The following TOPBP1 variants were observed in gnomAD, a reference collection of about 807,000 sequenced individuals.
TOPBP1 encodes DNA topoisomerase II binding protein 1.
Under a neutral mutation model 167.7 loss-of-function variants are expected in TOPBP1, and 28 were observed. That is an observed-to-expected ratio of 0.17 (90% CI 0.12 to 0.23). TOPBP1 has a LOEUF of 0.23. Ranked by LOEUF, TOPBP1 falls within the 10% of genes least tolerant of loss-of-function variation. The pLI, the probability that TOPBP1 is intolerant of heterozygous loss-of-function variation, is 1.00. For missense variants in TOPBP1, 1,554 were observed against 1,809.6 expected (o/e 0.86, Z 2.56); for synonymous variants, 598 against 611.4 (o/e 0.98, Z 0.32).
intron 27 of TOPBP1, among the ~76,000 whole-genome samples, chr3:133,602,122 T>C (rs1934326224): frequency 6.6e-6 from 1 of 152,098 alleles, no homozygotes; most frequent in African/African-American, 2.4e-5. Flanking sequence ...TAGGGGGAGA[T>C]AAGGGTCTTG....
intron 10 of TOPBP1, among the ~76,000 whole-genome samples, chr3:133,648,925 G>A (rs1307392167): frequency 6.6e-6 from 1 of 151,294 alleles, no homozygotes; most frequent in Non-Finnish European, 1.5e-5. Flanking sequence ...GGCTATATTA[G>A]GTATTTTATA....
At position 133,623,300 on chromosome 3, in the gene TOPBP1, A is replaced by AT; in HGVS notation, c.3075+10dup. ...TTAAGAGGGGGTAAATGTATCATCC[A>AT]TATCTCCTACCTCATCATCCTTTGT... is the stretch of plus-strand genomic sequence containing the variant. On this transcript the variant is annotated intron_variant, in intron 18 of 27. Coordinates refer to ENST00000260810, the MANE Select transcript of TOPBP1 (RefSeq NM_007027.4). 1.2e-6 allele frequency: 2 copies of AT among 1,613,542 alleles called. No homozygotes were observed. The highest frequency in any genetic ancestry group is 2.2e-5 in the South Asian group (2 of 90,994).
In TOPBP1 at chr3:133,655,303, C is replaced by A; in HGVS notation, c.729G>T (p.Val243=). ...LKMNECTHLI[V]QEPKGQKYEC... is the part of the protein sequence containing the mutation. ...ACACAGTTTTACCTTTTGGTTCTTG[C>A]ACAATGAGGTGTGTACATTCATTCA... Residue 243 remains valine (V), a synonymous_variant, in exon 6 of 28, where the codon GTG becomes GTT. Coordinates refer to ENST00000260810, the MANE Select transcript of TOPBP1 (RefSeq NM_007027.4). 1 of 1,435,312 alleles carries A rather than the reference C, an allele frequency of 7.0e-7. No homozygotes were observed. The highest frequency in any genetic ancestry group is 9.2e-7 in the Non-Finnish European group (1 of 1,088,032). 88.9% of individuals were successfully genotyped at this position (1,435,312 alleles called of 1,614,324 possible).
At position 133,611,190 on chromosome 3, in the gene TOPBP1, C is replaced by T. The variant is rs772840614; in HGVS notation, c.4036-49G>A. The stretch of plus-strand genomic sequence containing the variant: ...TGAGTTGTTACAGTCTGGGGAGCCA[C>T]TGTGCAACATACAGGGCTCCTCAAG... On this transcript the variant is annotated intron_variant, in intron 24 of 27. Transcript: ENST00000260810. 5 of 1,580,676 alleles carry T rather than the reference C, an allele frequency of 3.2e-6. No homozygotes were observed. In the South Asian group the frequency reaches 4.7e-5, roughly 15 times the overall value.
chr3:133,638,298 C>T (rs1196556904), intron 13 of TOPBP1, 136 bp from the exon 14 acceptor site: 2 of 811,558 alleles, frequency 2.5e-6, no homozygotes, highest in East Asian at 2.7e-5. Flanking sequence ...GATCCATCTA[C>T]CTCGGCATCC....
In TOPBP1 at chr3:133,624,109, C is replaced by T. The variant is rs1173977654; in HGVS notation, c.2871G>A (p.Glu957=). The T allele has an allele frequency of 6.2e-7, 1 of 1,613,844 alleles. No individual in the cohort carries two copies. The change falls in exon 17 of 28, where the codon GAG becomes GAA. Residue 957 remains glutamate, a synonymous_variant. Coordinates refer to ENST00000260810, the MANE Select transcript of TOPBP1 (RefSeq NM_007027.4). The part of the protein sequence containing the change: ...YQGRPNDTNR[E]YKSVKERGVH... ...CTCCTCTTTCTTTTACAGATTTATA[C>T]TCCCGATTAGTGTCATTTGGCCGCC...
At chr3:133,649,006 G>A (rs757619687) in intron 10 of TOPBP1, among the ~76,000 whole-genome samples, 45 of 152,020 alleles carry the variant, frequency 3.0e-4, no homozygotes, top group Non-Finnish European at 5.0e-4. Context: ...CTTACTACAT[G>A]ATAAGAGTAC....
At chr3:133,642,748 G>C (rs1188475447) in intron 12 of TOPBP1, among the ~76,000 whole-genome samples, 3 of 151,998 alleles carry the variant, frequency 2.0e-5, no homozygotes, top group African/African-American at 7.3e-5. Context: ...TTATTTGTTT[G>C]TTGAAACATC....
intron 24 of TOPBP1, 29 bp from the exon 25 acceptor site, chr3:133,611,170 T>C: frequency 6.3e-7 from 1 of 1,599,774 alleles, no homozygotes; most frequent in Non-Finnish European, 8.5e-7. Context: ...AAACCTGAGT[T>C]GTTACAGTCT....
intron 27 of TOPBP1, among the ~76,000 whole-genome samples, chr3:133,605,136 T>C (rs1056245756): frequency 2.6e-5 from 4 of 151,138 alleles, no homozygotes; most frequent in African/African-American, 9.7e-5. Flanking sequence ...GAAGTGGAGA[T>C]TGCAGTGAGC....
At chr3:133,652,422 T>G in intron 8 of TOPBP1, 41 bp downstream of exon 8, 1 of 1,600,202 alleles carries the variant, frequency 6.2e-7, no homozygotes, top group Non-Finnish European at 8.5e-7. Flanking sequence ...GAAATGCTAA[T>G]GTATATCATC....
In TOPBP1 at chr3:133,604,296, C is replaced by T. The variant is rs547589260; in HGVS notation, c.4426-2903G>A. 1.3e-5 allele frequency among the ~76,000 whole-genome samples: 2 copies of T among 151,470 alleles called. 1 individual carries two copies. The highest frequency in any genetic ancestry group is 2.9e-5 in the Non-Finnish European group (2 of 67,864). On this transcript the variant is annotated intron_variant, in intron 27 of 27. Coordinates refer to ENST00000260810, the MANE Select transcript of TOPBP1 (RefSeq NM_007027.4). ...ACTACAGGCACACGCCACCACACCC[C>T]GCTAATTTTTTTGTATTTTTAGTAG...
At chr3:133,602,892 ATTTTTTTTT>A (rs11458236) in intron 27 of TOPBP1, among the ~76,000 whole-genome samples, 7 of 121,458 alleles carry the variant, frequency 5.8e-5, no homozygotes, top group African/African-American at 2.2e-4. Context: ...ACCTTTTTTC[ATTTTTTTTT>A]TTTTTTTTTT....
At chr3:133,616,735 G>C (rs1559810220) in intron 23 of TOPBP1, 79 bp downstream of exon 23, 1 of 775,282 alleles carries the variant, frequency 1.3e-6, no homozygotes, top group Non-Finnish European at 1.9e-6. Context: ...CTTTACAAAT[G>C]ATATTAATAT....
intron 23 of TOPBP1, among the ~76,000 whole-genome samples, chr3:133,614,425 G>T (rs1470684257): frequency 1.3e-5 from 2 of 152,034 alleles, no homozygotes; most frequent in Non-Finnish European, 2.9e-5. Context: ...ATAATAGACT[G>T]ATTTATATAC....
Position 133,656,780 on chromosome 3 carries a change from A to T in TOPBP1, c.441T>A (p.Ile147=), listed in dbSNP as rs1191136796. The T allele has an allele frequency of 4.3e-6, 7 of 1,613,234 alleles. No individual in the cohort carries two copies. The highest frequency in any genetic ancestry group is 5.9e-6 in the Non-Finnish European group (7 of 1,179,646). The change falls in exon 5 of 28, where the codon ATT becomes ATA. Residue 147 remains isoleucine, a synonymous_variant. Coordinates refer to ENST00000260810, the MANE Select transcript of TOPBP1 (RefSeq NM_007027.4). The part of the protein sequence containing the change: ...RDLNVSVTHL[I]AGEVGSKKYL... ...ATTTTTTGCTACCAACTTCTCCTGCAATAAGGTGAGTTACTGATACATTAA... is the reference window on the plus strand; with the variant it reads ...ATTTTTTGCTACCAACTTCTCCTGCTATAAGGTGAGTTACTGATACATTAA...
At chr3:133,622,056 G>A (rs920620374) in intron 19 of TOPBP1, among the ~76,000 whole-genome samples, 1 of 151,238 alleles carries the variant, frequency 6.6e-6, no homozygotes, top group Non-Finnish European at 1.5e-5. Flanking sequence ...GAAAGGGAGG[G>A]AAGGAAGGAA....
chr3:133,658,150 A>C (rs1002959120), intron 3 of TOPBP1, among the ~76,000 whole-genome samples: 1 of 152,208 alleles, frequency 6.6e-6, no homozygotes, highest in African/African-American at 2.4e-5. Context: ...AGCAAATCAA[A>C]CAATGCAAGC....
chr3:133,649,401 T>C lies in TOPBP1; in HGVS notation c.1486A>G (p.Asn496Asp), dbSNP rs1312191129. 6.2e-7 allele frequency: 1 copy of C among 1,613,144 alleles called. No individual in the cohort carries two copies. Among genetic ancestry groups the C allele is most frequent in the Admixed American group, 1.7e-5 (1 of 59,920 alleles). ...ADEDLLSQYE[N>D]GSSTVVEAKT... ...TTCTTACCTACTGTGGAGCTACCAT[T>C]TTCATATTGAGAGAGCAGATCTTCA... Residue 496 changes from asparagine (N) to aspartate (D), a missense_variant, in exon 10 of 28, where the codon AAT (asparagine) becomes GAT (aspartate). By Grantham distance (23) the Asn-to-Asp change is conservative. Coordinates refer to ENST00000260810, the MANE Select transcript of TOPBP1 (RefSeq NM_007027.4).
Sources: allele counts gnomAD v4.1 joint callset (sites outside exome capture counted in the v4.1 genomes callset), GRCh38; gene constraint gnomAD v4.1.1; transcripts MANE v1.5; gene names NCBI Gene and HGNC (gene_info 2026-07-23, HGNC 2026-07-21).